Variants in EPHA7 observed in about 807,000 individuals in gnomAD.
The protein encoded by EPHA7 is ephrin type-A receptor 7.
In EPHA7, 25 loss-of-function variants were observed where a neutral mutation model predicts 112.6. That is an observed-to-expected ratio of 0.22 (90% CI 0.16 to 0.31). The LOEUF (loss-of-function observed/expected upper bound fraction) is 0.31, where lower values mean the gene tolerates loss of function less well. Among genes scored for constraint, EPHA7 ranks in the 10% least tolerant of loss-of-function variants. The pLI, the probability that EPHA7 is intolerant of heterozygous loss-of-function variation, is 1.00. For missense variants in EPHA7, 962 were observed against 1,212.6 expected, an observed-to-expected ratio of 0.79 and a Z score of 3.07; for synonymous variants, 437 against 406.5, an observed-to-expected ratio of 1.07 and a Z score of -0.90.
intron 4 of EPHA7, among the ~76,000 whole-genome samples, chr6:93,357,438 C>G (rs1363083767): frequency 6.6e-6 from 1 of 152,102 alleles, no homozygotes; most frequent in African/African-American, 2.4e-5. Context: ...AACCACATAA[C>G]AGGGAATACA....
intron 5 of EPHA7, among the ~76,000 whole-genome samples, chr6:93,337,590 C>T (rs1343746668): frequency 6.6e-6 from 1 of 152,050 alleles, no homozygotes; most frequent in African/African-American, 2.4e-5. Context: ...GAAACATATT[C>T]AGTAGATAAT....
chr6:93,398,279 T>C (rs370101045), intron 3 of EPHA7, among the ~76,000 whole-genome samples: 22 of 152,126 alleles, frequency 1.4e-4, no homozygotes, highest in East Asian at 1.2e-3. Flanking sequence ...TAAGTACTCT[T>C]ATAAACATCT....
chr6:93,339,546 G>C (rs536813803), intron 5 of EPHA7, among the ~76,000 whole-genome samples: 1 of 151,744 alleles, frequency 6.6e-6, no homozygotes, highest in South Asian at 2.1e-4. Flanking sequence ...AAGATAAAGA[G>C]ATTGCATTAC....
At chr6:93,323,426 G>T (rs563441262) in intron 5 of EPHA7, among the ~76,000 whole-genome samples, 4 of 151,440 alleles carry the variant, frequency 2.6e-5, no homozygotes, top group African/African-American at 7.2e-5. Context: ...TTTAGCTCAA[G>T]AAACCAAAAT....
chr6:93,266,189 A>T (rs915609276), intron 7 of EPHA7, among the ~76,000 whole-genome samples: 1 of 151,726 alleles, frequency 6.6e-6, no homozygotes, highest in African/African-American at 2.4e-5. Context: ...AAATTTGCTT[A>T]TTTTTTGTTT....
intron 5 of EPHA7, among the ~76,000 whole-genome samples, chr6:93,310,688 A>G (rs538320101): frequency 5.9e-5 from 9 of 152,214 alleles, no homozygotes; most frequent in African/African-American, 2.2e-4. Flanking sequence ...TTACGTTTAC[A>G]TTAACATTAT....
intron 14 of EPHA7, among the ~76,000 whole-genome samples, 197 bp downstream of exon 14, chr6:93,254,450 G>A: frequency 2.0e-5 from 3 of 152,220 alleles, no homozygotes; most frequent in African/African-American, 7.2e-5. Flanking sequence ...AAGAGAAAGT[G>A]ATTATTCAAA....
intron 3 of EPHA7, among the ~76,000 whole-genome samples, chr6:93,369,134 A>G (rs1027150720): frequency 1.3e-5 from 2 of 151,692 alleles, no homozygotes; most frequent in Admixed American, 6.6e-5. Flanking sequence ...TTTTTAAAAA[A>G]AAGAGCTGGC....
intron 3 of EPHA7, among the ~76,000 whole-genome samples, chr6:93,360,134 C>A (rs1776185946): frequency 1.3e-5 from 2 of 151,914 alleles, no homozygotes; most frequent in East Asian, 3.9e-4. Flanking sequence ...ATAGAGAGAA[C>A]AATGATATTG....
chr6:93,305,055 C>T (rs1773181661), intron 5 of EPHA7, among the ~76,000 whole-genome samples: 1 of 151,998 alleles, frequency 6.6e-6, no homozygotes, highest in African/African-American at 2.4e-5. Flanking sequence ...TGCCCCACCT[C>T]ACTAGAATGT....
Position 93,323,104 on chromosome 6 carries a change from CAT to C in EPHA7, c.1324+33611_1324+33612del, listed in dbSNP as rs553788681. Among the ~76,000 whole-genome samples, 453 of 151,726 alleles carry C rather than the reference CAT, an allele frequency of 3.0e-3. 4 individuals are homozygous for C. The highest frequency in any genetic ancestry group is 0.011 in the African/African-American group (436 of 41,498). On this transcript the variant is annotated intron_variant, in intron 5 of 16. Transcript: ENST00000369303. ...AAAATAAACAACTTCAAATGCATAA[CAT>C]AGAATTTTTTGATTATACATATTTA...
intron 5 of EPHA7, among the ~76,000 whole-genome samples, chr6:93,315,372 A>T (rs1254431328): frequency 6.6e-6 from 1 of 152,180 alleles, no homozygotes; most frequent in African/African-American, 2.4e-5. Context: ...ATTAAACCAT[A>T]GAATAAAGAG....
At chr6:93,393,955 GTAGAGT>G (rs1264632035) in intron 3 of EPHA7, among the ~76,000 whole-genome samples, 3 of 151,774 alleles carry the variant, frequency 2.0e-5, no homozygotes, top group South Asian at 2.1e-4. Flanking sequence ...ATTTTTACGA[GTAGAGT>G]TAAACTAGAC....
chr6:93,285,954 C>A (rs1030543836), intron 5 of EPHA7, among the ~76,000 whole-genome samples: 1 of 152,078 alleles, frequency 6.6e-6, no homozygotes. Context: ...TTTACATATT[C>A]CCTCTGGCTG....
intron 5 of EPHA7, among the ~76,000 whole-genome samples, chr6:93,287,309 C>T (rs937520212): frequency 6.6e-6 from 1 of 152,078 alleles, no homozygotes; most frequent in Non-Finnish European, 1.5e-5. Context: ...TTCTCCATTT[C>T]TCAACTCCTT....
intron 5 of EPHA7, among the ~76,000 whole-genome samples, chr6:93,288,231 A>T (rs957094512): frequency 6.6e-6 from 1 of 152,226 alleles, no homozygotes; most frequent in Non-Finnish European, 1.5e-5. Flanking sequence ...AAGAAATAGA[A>T]GTGCTCAATA....
chr6:93,270,845 T>A (rs1195304025), intron 6 of EPHA7, among the ~76,000 whole-genome samples: 2 of 151,802 alleles, frequency 1.3e-5, no homozygotes, highest in Non-Finnish European at 2.9e-5. Context: ...CATGCGTGCA[T>A]ATACATTACA....
intron 5 of EPHA7, among the ~76,000 whole-genome samples, chr6:93,282,819 G>A (rs549129423): frequency 1.3e-5 from 2 of 152,214 alleles, no homozygotes; most frequent in South Asian, 2.1e-4. Context: ...TTTCTCCCCC[G>A]GCCTTAGCTG....
intron 5 of EPHA7, among the ~76,000 whole-genome samples, chr6:93,340,141 TA>T (rs1030724517): frequency 1.3e-5 from 2 of 151,784 alleles, no homozygotes; most frequent in African/African-American, 4.8e-5. Context: ...ACAATTTCTT[TA>T]AAAATGTAAA....
Sources: allele counts gnomAD v4.1 joint callset (sites outside exome capture counted in the v4.1 genomes callset), GRCh38; gene constraint gnomAD v4.1.1; transcripts MANE v1.5; gene names NCBI Gene and HGNC (gene_info 2026-07-23, HGNC 2026-07-21).